SORCS3: variants seen among roughly 807,000 people sequenced by gnomAD.
The protein encoded by SORCS3 is VPS10 domain-containing receptor SorCS3.
Under a neutral mutation model 146.3 loss-of-function variants are expected in SORCS3, and 57 were observed. The observed-to-expected ratio is 0.39, with a 90% CI of 0.31 to 0.49. SORCS3 has a LOEUF of 0.49. Among genes scored for constraint, SORCS3 ranks in the 20% least tolerant of loss-of-function variants. SORCS3 has a pLI of 0.92. For missense variants in SORCS3, 1,341 were observed against 1,575.5 expected, an observed-to-expected ratio of 0.85 and a Z score of 2.52; for synonymous variants, 653 against 618.5, an observed-to-expected ratio of 1.06 and a Z score of -0.83.
chr10:104,860,646 A>T (rs2018391135), intron 2 of SORCS3, among the ~76,000 whole-genome samples: 1 of 152,144 alleles, frequency 6.6e-6, no homozygotes, highest in Non-Finnish European at 1.5e-5. Context: ...TACACTTACC[A>T]AGTACCATGT....
At chr10:105,245,003 A>G (rs1472672346) in intron 20 of SORCS3, among the ~76,000 whole-genome samples, 1 of 141,484 alleles carries the variant, frequency 7.1e-6, no homozygotes, top group Non-Finnish European at 1.5e-5. Context: ...CAGGAGGCGG[A>G]GGTTGCAGTG....
Position 104,745,628 on chromosome 10 carries a change from A to G in SORCS3, c.628-97164A>G, listed in dbSNP as rs144263781. 9.4e-4 allele frequency among the ~76,000 whole-genome samples: 143 copies of G among 152,324 alleles called. 1 individual carries two copies. The East Asian group carries it at 0.024, about 26-fold the overall frequency. ...GCCCTCTTAGCAGATGTTTAAGTAT[A>G]TAATAGAGAATTGTTGACCACAGGC... On this transcript the variant is annotated intron_variant, in intron 1 of 26. Transcript: ENST00000369701.
At chr10:105,034,757 G>A (rs1225089844) in intron 4 of SORCS3, among the ~76,000 whole-genome samples, 2 of 152,112 alleles carry the variant, frequency 1.3e-5, no homozygotes, top group East Asian at 3.9e-4. Flanking sequence ...GCAAAAATAA[G>A]GCTGCCATAT....
intron 1 of SORCS3, among the ~76,000 whole-genome samples, chr10:104,792,486 A>T (rs1419345067): frequency 6.6e-6 from 1 of 152,172 alleles, no homozygotes; most frequent in Non-Finnish European, 1.5e-5. Context: ...TTGTAAGACC[A>T]TTTGGTCCTT....
intron 6 of SORCS3, among the ~76,000 whole-genome samples, chr10:105,090,266 T>G (rs2055693217): frequency 6.6e-6 from 1 of 152,168 alleles, no homozygotes; most frequent in Non-Finnish European, 1.5e-5. Flanking sequence ...TATTCATCCA[T>G]TCGAGATATT....
At chr10:105,046,425 G>A (rs2055371901) in intron 5 of SORCS3, among the ~76,000 whole-genome samples, 1 of 152,078 alleles carries the variant, frequency 6.6e-6, no homozygotes, top group Non-Finnish European at 1.5e-5. Flanking sequence ...TAGCAGCTTA[G>A]AGGGGGATTT....
Position 104,915,788 on chromosome 10 carries a change from T to C in SORCS3, c.696-45T>C, listed in dbSNP as rs184707768. ...GCTTCCCTTTAGACATAGCTGCCCA[T>C]TGGTAAAATGATCTCTCCCTCTCTG... is the stretch of plus-strand genomic sequence containing the variant. On this transcript the variant is annotated intron_variant, in intron 2 of 26. Transcript: ENST00000369701. 2.9e-5 allele frequency: 44 copies of C among 1,541,742 alleles called. No individual in the cohort carries two copies. In the African/African-American group the frequency reaches 5.2e-4, roughly 18 times the overall value.
intron 5 of SORCS3, among the ~76,000 whole-genome samples, chr10:105,081,136 T>C (rs791101): frequency 0.25 from 37,778 of 151,936 alleles, 4,821 homozygotes; most frequent in Admixed American, 0.34. Context: ...AATAAAATTA[T>C]CATTTTTAAA....
At chr10:104,979,488 T>C (rs2054920700) in intron 4 of SORCS3, among the ~76,000 whole-genome samples, 1 of 152,188 alleles carries the variant, frequency 6.6e-6, no homozygotes, top group Admixed American at 6.5e-5. Flanking sequence ...TTGAAATAGC[T>C]TCTTCACTCT....
intron 7 of SORCS3, among the ~76,000 whole-genome samples, chr10:105,128,213 T>C (rs1400852909): frequency 1.3e-5 from 2 of 152,162 alleles, no homozygotes; most frequent in Non-Finnish European, 2.9e-5. Flanking sequence ...AGGAGAGGCA[T>C]GACCCGGAGA....
At chr10:105,110,381 G>A (rs1456654567) in intron 7 of SORCS3, among the ~76,000 whole-genome samples, 2 of 151,646 alleles carry the variant, frequency 1.3e-5, no homozygotes, top group Non-Finnish European at 2.9e-5. Flanking sequence ...TTCCATATCT[G>A]TTATTTGTTT....
chr10:104,844,987 G>A (rs1173389933), intron 2 of SORCS3, among the ~76,000 whole-genome samples: 6 of 152,098 alleles, frequency 3.9e-5, no homozygotes, highest in Non-Finnish European at 8.8e-5. Context: ...TATAAATTGG[G>A]GTTAGCACAG....
At chr10:105,200,148 T>A (rs931008741) in intron 15 of SORCS3, 32 bp downstream of exon 15, 2 of 1,559,254 alleles carry the variant, frequency 1.3e-6, no homozygotes, top group Admixed American at 3.4e-5. Flanking sequence ...AGTGCTGGCT[T>A]TGAGGAGGAG....
At chr10:105,165,507 G>A (rs778278860) in intron 12 of SORCS3, among the ~76,000 whole-genome samples, 12 of 152,202 alleles carry the variant, frequency 7.9e-5, no homozygotes, top group East Asian at 1.9e-4. Flanking sequence ...TACCAGCGTT[G>A]TAAAAATTAA....
intron 3 of SORCS3, among the ~76,000 whole-genome samples, chr10:104,925,843 T>G (rs1358317059): frequency 6.6e-6 from 1 of 152,252 alleles, no homozygotes; most frequent in Non-Finnish European, 1.5e-5. Flanking sequence ...GGTGTCTCTT[T>G]GGACTTTCAA....
intron 2 of SORCS3, among the ~76,000 whole-genome samples, chr10:104,851,101 A>G (rs1205939835): frequency 6.6e-6 from 1 of 152,218 alleles, no homozygotes; most frequent in Non-Finnish European, 1.5e-5. Context: ...ATGAGAAATG[A>G]GTTTGCTCTA....
chr10:105,253,322 G>C (rs184130691), intron 23 of SORCS3, among the ~76,000 whole-genome samples: 8 of 152,180 alleles, frequency 5.3e-5, no homozygotes, highest in African/African-American at 1.7e-4. Context: ...AAAGATCCTG[G>C]CCAATGTTAA....
intron 14 of SORCS3, among the ~76,000 whole-genome samples, chr10:105,194,889 G>A (rs879937275): frequency 6.6e-6 from 1 of 152,108 alleles, no homozygotes; most frequent in Non-Finnish European, 1.5e-5. Flanking sequence ...TACCTCAAAT[G>A]TACTAATAAG....
At chr10:105,027,470 C>T (rs532937973) in intron 4 of SORCS3, among the ~76,000 whole-genome samples, 128 of 152,314 alleles carry the variant, frequency 8.4e-4, no homozygotes, top group African/African-American at 3.0e-3. Context: ...CTTCATGACA[C>T]TATATAATAA....
Sources: gnomAD v4.1 joint callset for allele counts (sites outside exome capture counted in the v4.1 genomes callset) on GRCh38, gnomAD v4.1.1 for gene constraint, MANE v1.5 for transcripts, NCBI Gene and HGNC (gene_info 2026-07-23, HGNC 2026-07-21) for gene names.